The following STK3 variants were observed in gnomAD, a reference collection of about 807,000 sequenced individuals.
The protein encoded by STK3 is serine/threonine kinase 3.
Under a neutral mutation model 58.0 loss-of-function variants are expected in STK3, and 41 were observed. The observed-to-expected ratio is 0.71, with a 90% CI of 0.55 to 0.92. The LOEUF is 0.92. Among genes scored for constraint, STK3 ranks in the 40% least tolerant of loss-of-function variants. The pLI is 0.00. For missense variants in STK3, 479 were observed against 602.7 expected, an observed-to-expected ratio of 0.79 and a Z score of 2.15; for synonymous variants, 170 against 191.0, an observed-to-expected ratio of 0.89 and a Z score of 0.91.
chr8:98,403,400 C>T (rs978064013), intron 3 of STK3, among the ~76,000 whole-genome samples: 1 of 152,040 alleles, frequency 6.6e-6, no homozygotes, highest in African/African-American at 2.4e-5. Context: ...GGAGGTGATC[C>T]CAGGAAGCCC....
At chr8:98,694,117 T>C (rs573033820) in intron 6 of STK3, among the ~76,000 whole-genome samples, 3 of 152,290 alleles carry the variant, frequency 2.0e-5, no homozygotes, top group East Asian at 3.9e-4. Flanking sequence ...CTGCCTATAC[T>C]AAAGCATTTG....
At chr8:98,732,730 A>G (rs1004073430) in intron 4 of STK3, among the ~76,000 whole-genome samples, 1 of 152,230 alleles carries the variant, frequency 6.6e-6, no homozygotes, top group African/African-American at 2.4e-5. Context: ...ACCTCAAAGC[A>G]ATAAGTCCAC....
chr8:98,350,519 G>C, the STK3 span, among the ~76,000 whole-genome samples: 1 of 152,160 alleles, frequency 6.6e-6, no homozygotes, highest in Admixed American at 6.5e-5. Flanking sequence ...CACTCTACTG[G>C]TACCAATTTA....
chr8:98,406,332 C>G (rs1477701296), intron 3 of STK3, among the ~76,000 whole-genome samples: 1 of 151,608 alleles, frequency 6.6e-6, no homozygotes, highest in Non-Finnish European at 1.5e-5. Context: ...AGGGGGTACA[C>G]GTGCCGGTGT....
intron 6 of STK3, among the ~76,000 whole-genome samples, chr8:98,652,355 C>T (rs76831757): frequency 3.9e-5 from 6 of 152,212 alleles, no homozygotes; most frequent in East Asian, 1.9e-4. Flanking sequence ...AAGGAACAAC[C>T]GGTACCAGCC....
intron 1 of STK3, among the ~76,000 whole-genome samples, chr8:98,814,576 A>G (rs1587689780): frequency 2.0e-5 from 3 of 152,070 alleles, no homozygotes; most frequent in Admixed American, 6.6e-5. Flanking sequence ...GTACAATCAC[A>G]GCCTGCTGCA....
At chr8:98,865,983 A>G (rs1331381550) in intron 3 of STK3, among the ~76,000 whole-genome samples, 1 of 152,230 alleles carries the variant, frequency 6.6e-6, no homozygotes, top group Non-Finnish European at 1.5e-5. Context: ...TCTGCAAGCA[A>G]CATTCCTGGG....
intron 10 of STK3, among the ~76,000 whole-genome samples, chr8:98,490,608 A>T (rs1219667685): frequency 3.9e-5 from 6 of 152,186 alleles, no homozygotes; most frequent in Non-Finnish European, 8.8e-5. Context: ...TGTTTTGCTA[A>T]TTTTTTAAAT....
intron 1 of STK3, among the ~76,000 whole-genome samples, chr8:98,820,163 T>C (rs1156675997): frequency 2.6e-5 from 4 of 152,200 alleles, no homozygotes; most frequent in Non-Finnish European, 4.4e-5. Flanking sequence ...GTTTTCTAGC[T>C]TTCCATTTGC....
chr8:98,748,607 C>T (rs1249332620), intron 4 of STK3, among the ~76,000 whole-genome samples: 1 of 151,848 alleles, frequency 6.6e-6, no homozygotes, highest in African/African-American at 2.4e-5. Context: ...ATTACTCTTC[C>T]TATTCAAGAA....
intron 8 of STK3, among the ~76,000 whole-genome samples, chr8:98,556,798 C>A (rs1302603132): frequency 2.6e-5 from 4 of 151,976 alleles, no homozygotes; most frequent in African/African-American, 4.8e-5. Context: ...TAAAAAGGGT[C>A]ATATAGTAAC....
intron 3 of STK3, among the ~76,000 whole-genome samples, chr8:98,423,957 G>GCAGGCCAGC (rs777802202): frequency 1.2e-4 from 18 of 152,220 alleles, no homozygotes; most frequent in African/African-American, 4.1e-4. Context: ...CATCTTCCCA[G>GCAGGCCAGC]CAGGCCAGCC....
chr8:98,396,996 G>A (rs1817902579), downstream of STK3, among the ~76,000 whole-genome samples: 1 of 152,120 alleles, frequency 6.6e-6, no homozygotes, highest in African/African-American at 2.4e-5. Flanking sequence ...TATAGATAAG[G>A]AAACTAAGGC....
intron 6 of STK3, among the ~76,000 whole-genome samples, chr8:98,657,211 T>C (rs1821615723): frequency 6.6e-6 from 1 of 152,126 alleles, no homozygotes; most frequent in Admixed American, 6.6e-5. Flanking sequence ...CCATATATAG[T>C]GCTTTCTAAG....
At chr8:98,370,533 A>G (rs1312180478), downstream of STK3, among the ~76,000 whole-genome samples, 1 of 152,146 alleles carries the variant, frequency 6.6e-6, no homozygotes, top group Non-Finnish European at 1.5e-5. Context: ...TCCATAGGTA[A>G]GGACCATCAT....
intron 4 of STK3, among the ~76,000 whole-genome samples, chr8:98,739,251 A>C (rs1828951395): frequency 1.3e-5 from 2 of 152,238 alleles, no homozygotes. Flanking sequence ...TGGTTCTCCC[A>C]GCACGCAGCT....
intron 1 of STK3, among the ~76,000 whole-genome samples, chr8:98,813,530 C>T (rs1008682901): frequency 2.0e-5 from 3 of 152,158 alleles, no homozygotes; most frequent in Non-Finnish European, 4.4e-5. Context: ...CTCTATCATA[C>T]CATTTCCTCT....
rs1814015493 is a variant in STK3, at chr8:98,582,580, C to T, written c.823-2791G>A. Among the ~76,000 whole-genome samples, 4 of 151,966 alleles carry T rather than the reference C, an allele frequency of 2.6e-5. No homozygotes were observed. In the South Asian group the frequency reaches 6.2e-4, roughly 24 times the overall value. Reference sequence around the variant, plus strand: ...AAGATCTAAGTTAATCCTCCCAACACCCCCTAAAGGCAGGCAGTTATCTCA... The same window carrying T: ...AAGATCTAAGTTAATCCTCCCAACATCCCCTAAAGGCAGGCAGTTATCTCA... On this transcript the variant is annotated intron_variant, in intron 7 of 10. Coordinates refer to ENST00000419617, the MANE Select transcript of STK3 (RefSeq NM_006281.4).
chr8:98,384,796 T>A (rs1817773028), intron 1 of STK3, among the ~76,000 whole-genome samples: 1 of 152,166 alleles, frequency 6.6e-6, no homozygotes, highest in Non-Finnish European at 1.5e-5. Context: ...CAGCTCCAGA[T>A]CCCAGCATCA....
Sources: allele counts gnomAD v4.1 joint callset (sites outside exome capture counted in the v4.1 genomes callset), GRCh38; gene constraint gnomAD v4.1.1; transcripts MANE v1.5; gene names NCBI Gene and HGNC (gene_info 2026-07-23, HGNC 2026-07-21).